Variants in NTN1 observed in about 807,000 individuals in gnomAD.
The protein encoded by NTN1 is netrin-1.
Under a neutral mutation model 54.2 loss-of-function variants are expected in NTN1, and 11 were observed. The observed-to-expected ratio is 0.20, with a 90% CI of 0.13 to 0.34. The LOEUF (loss-of-function observed/expected upper bound fraction) is 0.34. NTN1 is among the 10% of genes least tolerant of loss of function. NTN1 has a pLI of 1.00. For missense variants in NTN1, 740 were observed against 893.1 expected (o/e 0.83, Z 2.18); for synonymous variants, 371 against 382.0 (o/e 0.97, Z 0.33).
In NTN1 at chr17:9,147,977, T is replaced by G. The variant is rs116467544; in HGVS notation, c.1019-14836T>G. Among the ~76,000 whole-genome samples the G allele has an allele frequency of 4.3e-3, 660 of 152,326 alleles. 5 individuals carry two copies. Among genetic ancestry groups the G allele is most frequent in the African/African-American group, 0.015 (628 of 41,578 alleles). ...AGATTTGGGGCCACTCTGGCCATAC[T>G]TGCCTTCCTCCCCCTTGTGTCTCCT... On this transcript the variant is annotated intron_variant, in intron 2 of 6. Coordinates refer to ENST00000173229, the MANE Select transcript of NTN1 (RefSeq NM_004822.3).
In NTN1 at chr17:9,235,843, C is replaced by T. The variant is rs1471958161; in HGVS notation, c.1487-3797C>T. On this transcript the variant is annotated intron_variant, in intron 6 of 6. Transcript: ENST00000173229. ...GATCTTGGCTCACTGCAACCTCTGC[C>T]TCTTGGGCTCAAGCAATTCTGCCTC... 1.3e-5 allele frequency among the ~76,000 whole-genome samples: 2 copies of T among 151,784 alleles called. 1 individual carries two copies. Among genetic ancestry groups the T allele is most frequent in the Admixed American group, 1.3e-4 (2 of 15,248 alleles).
rs530073829 is a variant in NTN1 at position 9,217,144 on chromosome 17, G to A, written c.1412-4024G>A. 1.2e-4 allele frequency among the ~76,000 whole-genome samples: 19 copies of A among 152,046 alleles called. No individual in the cohort carries two copies. In the East Asian group the frequency reaches 3.3e-3, roughly 26 times the overall value. ...ACTTCCCCTCCCTGGAGGAGGGATC[G>A]TCCCCACTGCCCCCACTCACTTCCT... On this transcript the variant is annotated intron_variant, in intron 5 of 6. Transcript: ENST00000173229.
intron 2 of NTN1, among the ~76,000 whole-genome samples, chr17:9,126,963 C>G (rs910228059): frequency 6.6e-6 from 1 of 150,826 alleles, no homozygotes; most frequent in East Asian, 2.0e-4. Context: ...TCATGCATAT[C>G]CTGGAGAAGG....
At chr17:9,229,081 TGTGTGTGTG>T (rs1905712924) in intron 6 of NTN1, among the ~76,000 whole-genome samples, 1 of 5,500 alleles carries the variant, frequency 1.8e-4, no homozygotes, top group Non-Finnish European at 3.0e-4. Context: ...TGTTTGTGAC[TGTGTGTGTG>T]ACTGAGACTG....
intron 2 of NTN1, among the ~76,000 whole-genome samples, chr17:9,054,046 T>C (rs1204522361): frequency 6.6e-6 from 1 of 152,174 alleles, no homozygotes; most frequent in Admixed American, 6.5e-5. Flanking sequence ...GTTGGGTGCC[T>C]GACATCTGAT....
chr17:9,016,069 A>G, the NTN1 span, among the ~76,000 whole-genome samples: 1 of 151,032 alleles, frequency 6.6e-6, no homozygotes, highest in Admixed American at 6.6e-5. Context: ...AGCAAAATTT[A>G]TCTAAAAAAA....
At chr17:9,217,854 CAAAAAAAAAA>C (rs11354107) in intron 5 of NTN1, among the ~76,000 whole-genome samples, 8 of 95,746 alleles carry the variant, frequency 8.4e-5, no homozygotes, top group Non-Finnish European at 9.8e-5. Context: ...GGAAAGACAC[CAAAAAAAAAA>C]AAAAAAAAAA....
In NTN1 at chr17:9,187,022, G is replaced by C. The variant is rs189563900; in HGVS notation, c.1411+4053G>C. ...TCTTCATTTGTGAAATGGGGTAATCGCAACCCTGCCACTAGGGCTGTTGTG... is the reference window on the plus strand; with the variant it reads ...TCTTCATTTGTGAAATGGGGTAATCCCAACCCTGCCACTAGGGCTGTTGTG... On this transcript the variant is annotated intron_variant, in intron 5 of 6. Transcript: ENST00000173229. 4.0e-3 allele frequency among the ~76,000 whole-genome samples: 607 copies of C among 152,236 alleles called. 2 individuals carry two copies. Among genetic ancestry groups the C allele is most frequent in the Middle Eastern group, 6.8e-3 (2 of 294 alleles).
chr17:9,148,131 C>T (rs1025410569), intron 2 of NTN1, among the ~76,000 whole-genome samples: 15 of 152,158 alleles, frequency 9.9e-5, no homozygotes, highest in Non-Finnish European at 1.8e-4. Flanking sequence ...TTGGCATTGA[C>T]GGCCCTGCAG....
intron 2 of NTN1, among the ~76,000 whole-genome samples, chr17:9,035,602 G>T (rs1164492698): frequency 6.6e-6 from 1 of 152,152 alleles, no homozygotes; most frequent in African/African-American, 2.4e-5. Flanking sequence ...CATTTTTTGA[G>T]ACAAGGTCTC....
At chr17:9,234,996 C>T (rs1395664063) in intron 6 of NTN1, among the ~76,000 whole-genome samples, 2 of 135,140 alleles carry the variant, frequency 1.5e-5, no homozygotes, top group South Asian at 2.3e-4. Flanking sequence ...GAGTTTCGCT[C>T]CTGTTGCCCA....
chr17:9,104,423 C>A (rs2092159533), intron 2 of NTN1, among the ~76,000 whole-genome samples: 1 of 152,138 alleles, frequency 6.6e-6, no homozygotes, highest in African/African-American at 2.4e-5. Flanking sequence ...GATAATAACA[C>A]AACATACATA....
chr17:9,182,938 G>T lies in NTN1; in HGVS notation c.1380G>T (p.Thr460=), dbSNP rs756074099. 8 of 1,614,002 alleles carry T rather than the reference G, an allele frequency of 5.0e-6. No individual in the cohort carries two copies. In the African/African-American group the frequency reaches 9.3e-5, roughly 19 times the overall value. Reference sequence around the variant, plus strand: ...AAGAGATCCCTGTAGCGCCGCCGACGACTGCAGCCAGCAGCGTGGAGGAGC... The same window carrying T: ...AAGAGATCCCTGTAGCGCCGCCGACTACTGCAGCCAGCAGCGTGGAGGAGC... ...PCIKIPVAPP[T]TAASSVEEPE... is the part of the protein sequence containing the mutation. The change falls in exon 5 of 7, where the codon ACG becomes ACT. Residue 460 remains threonine, a synonymous_variant. Coordinates refer to ENST00000173229, the MANE Select transcript of NTN1 (RefSeq NM_004822.3).
intron 2 of NTN1, among the ~76,000 whole-genome samples, chr17:9,161,432 ATGCTGAG>A (rs1240225744): frequency 6.6e-6 from 1 of 152,210 alleles, no homozygotes; most frequent in African/African-American, 2.4e-5. Context: ...CCTGAAGGCC[ATGCTGAG>A]TGCTTTCGAC....
At chr17:9,021,704 G>T in intron 1 of NTN1, 119 bp downstream of exon 1, 1 of 151,898 alleles carries the variant, frequency 6.6e-6, no homozygotes, top group South Asian at 1.8e-4. Context: ...GGCCGGGACC[G>T]GGGCTGGGGC....
intron 2 of NTN1, among the ~76,000 whole-genome samples, chr17:9,097,649 A>C (rs572863148): frequency 6.6e-6 from 1 of 152,188 alleles, no homozygotes; most frequent in East Asian, 1.9e-4. Context: ...AAAACAAAAA[A>C]ACCCCAAACA....
At chr17:9,028,697 G>A (rs1219058736) in intron 2 of NTN1, among the ~76,000 whole-genome samples, 1 of 152,200 alleles carries the variant, frequency 6.6e-6, no homozygotes, top group Admixed American at 6.5e-5. Flanking sequence ...CTTGAGATGA[G>A]TTGTGCTTTT....
In NTN1 at chr17:9,043,850, G is replaced by A. The variant is rs377245223; in HGVS notation, c.1018+20459G>A. The stretch of plus-strand genomic sequence containing the variant: ...CCGCCTCGGCTTCTGAAAGTGCTGG[G>A]ATTACAGGCGTGAACCACTGCACCT... On this transcript the variant is annotated intron_variant, in intron 2 of 6. Coordinates refer to ENST00000173229, the MANE Select transcript of NTN1 (RefSeq NM_004822.3). Among the ~76,000 whole-genome samples, 340 of 152,118 alleles carry A rather than the reference G, an allele frequency of 2.2e-3. 3 individuals are homozygous for A. Among genetic ancestry groups the A allele is most frequent in the African/African-American group, 7.7e-3 (319 of 41,518 alleles).
In NTN1 at chr17:9,221,147, T is replaced by TCCCAC; in HGVS notation, c.1412-18_1412-17insACCCC. On this transcript the variant is annotated intron_variant, in intron 5 of 6. Transcript: ENST00000173229. The surrounding 1 kb of genome is among the most constrained non-coding windows in gnomAD (Gnocchi z 4.5). ...CAGCCTAATTAGTTTTTGTCTGTGC[T>TCCCAC]CCCCCCCCACCCCCCTGCAGACTGC... 1 of 1,303,814 alleles carries TCCCAC rather than the reference T, an allele frequency of 7.7e-7. No individual in the cohort carries two copies. The allele number at this position is 1,303,814 out of a possible 1,614,324, so 80.8% of individuals were successfully genotyped here.
Sources: gnomAD v4.1 joint callset for allele counts (sites outside exome capture counted in the v4.1 genomes callset) on GRCh38, gnomAD v4.1.1 for gene constraint, Gnocchi (gnomAD v3.1) non-coding constraint, MANE v1.5 for transcripts, NCBI Gene and HGNC (gene_info 2026-07-23, HGNC 2026-07-21) for gene names.